Variants in RIDA observed in about 807,000 individuals in gnomAD.
RIDA encodes the protein reactive intermediate imine deaminase A, also known as 2-iminobutanoate/2-iminopropanoate deaminase.
Under a neutral mutation model 17.8 loss-of-function variants are expected in RIDA, and 17 were observed. The observed-to-expected ratio is 0.96, with a 90% CI of 0.65 to 1.43. The LOEUF (loss-of-function observed/expected upper bound fraction) is 1.43. Ranked by LOEUF, RIDA falls within the 40% of genes most tolerant of loss-of-function variation. The pLI, the probability that RIDA is intolerant of heterozygous loss-of-function variation, is 0.00. For synonymous variants in RIDA, 48 were observed against 55.7 expected (o/e 0.86, Z 0.62); for missense variants, 158 against 161.7 (o/e 0.98, Z 0.12).
intron 2 of RIDA, 63 bp from the exon 3 acceptor site, chr8:98,106,389 C>A (rs1195248837): frequency 7.2e-7 from 1 of 1,387,826 alleles, no homozygotes; most frequent in Non-Finnish European, 1.0e-6. Flanking sequence ...TAATTAAATT[C>A]AATTAATCAT....
chr8:98,111,167 A>C (rs756580650), intron 1 of RIDA, among the ~76,000 whole-genome samples: 1 of 152,270 alleles, frequency 6.6e-6, no homozygotes, highest in Non-Finnish European at 1.5e-5. Flanking sequence ...GGATAAAATC[A>C]CAGGAAAAAG....
intron 1 of RIDA, among the ~76,000 whole-genome samples, chr8:98,113,447 T>C (rs1815757359): frequency 1.3e-5 from 2 of 152,244 alleles, no homozygotes; most frequent in Admixed American, 6.5e-5. Flanking sequence ...GTCTGTTTTT[T>C]TTCTTAAACA....
intron 1 of RIDA, among the ~76,000 whole-genome samples, chr8:98,110,827 A>T (rs1377027815): frequency 6.6e-6 from 1 of 152,164 alleles, no homozygotes; most frequent in Non-Finnish European, 1.5e-5. Context: ...TGACTGGACC[A>T]TGGGGGCAGT....
chr8:98,109,194 A>AC (rs1815682683), intron 1 of RIDA, among the ~76,000 whole-genome samples: 1 of 152,086 alleles, frequency 6.6e-6, no homozygotes. Context: ...ACAGAGAAAG[A>AC]CCCAAAATAA....
intron 1 of RIDA, among the ~76,000 whole-genome samples, chr8:98,114,756 T>G (rs1176079057): frequency 6.6e-6 from 1 of 152,146 alleles, no homozygotes; most frequent in Non-Finnish European, 1.5e-5. Context: ...CTCTGCAAGA[T>G]CATATAATTA....
At position 98,108,664 on chromosome 8, in the gene RIDA, T is replaced by C. The variant is rs140448967; in HGVS notation, c.153A>G (p.Val51=). The change falls in exon 2 of 6, where the codon GTA becomes GTG. Residue 51 remains valine (V), a synonymous_variant. Transcript: ENST00000254878. ...AACTTACTTGTTTAGCTTCTTCTGC[T>C]ACCCCTCCTGACACAAGCTGTCCAC... ...PSSGQLVSGG[V]AEEAKQALKN... The C allele has an allele frequency of 6.2e-6, 10 of 1,611,468 alleles. No individual in the cohort carries two copies. Among genetic ancestry groups the C allele is most frequent in the Non-Finnish European group, 8.5e-6 (10 of 1,177,692 alleles).
chr8:98,105,832 T>A (rs1315608126), intron 4 of RIDA, 106 bp downstream of exon 4: 22 of 685,390 alleles, frequency 3.2e-5, no homozygotes, highest in Non-Finnish European at 5.7e-5. Context: ...TATGACCATT[T>A]CTTTAGCATC....
At position 98,113,176 on chromosome 8, in the gene RIDA, G is replaced by A. The variant is rs942220642; in HGVS notation, c.65+3856C>T. On this transcript the variant is annotated intron_variant, in intron 1 of 5. Coordinates refer to ENST00000254878, the MANE Select transcript of RIDA (RefSeq NM_005836.3). ...ATTATGAGGACGGTGTGCAAAATGC[G>A]CAATGCAAAGCAATGCAATGTTGAA... 4.6e-5 allele frequency among the ~76,000 whole-genome samples: 7 copies of A among 152,180 alleles called. No individual in the cohort carries two copies. In the East Asian group the frequency reaches 5.8e-4, roughly 13 times the overall value.
intron 1 of RIDA, among the ~76,000 whole-genome samples, chr8:98,112,825 A>G (rs1815746644): frequency 6.6e-6 from 1 of 152,214 alleles, no homozygotes; most frequent in Non-Finnish European, 1.5e-5. Flanking sequence ...GACCATATGC[A>G]TTATTATTTA....
At position 98,105,958 on chromosome 8, in the gene RIDA, A is replaced by G. The variant is rs777678879; in HGVS notation, c.275T>C (p.Val92Ala). 7 of 1,605,878 alleles carry G rather than the reference A, an allele frequency of 4.4e-6. No homozygotes were observed. Among genetic ancestry groups the G allele is most frequent in the Non-Finnish European group, 6.0e-6 (7 of 1,172,906 alleles). Reference sequence around the variant, plus strand: ...CTTACACTGTTTGTAGATTTCATTGACAGTATTGAAGTCATTTATGTCAGC... The same window carrying G: ...CTTACACTGTTTGTAGATTTCATTGGCAGTATTGAAGTCATTTATGTCAGC... ...LLADINDFNTVNEIYKQYFKS... is the reference protein window; with the variant it reads ...LLADINDFNTANEIYKQYFKS... The change falls in exon 4 of 6, where the codon GTC becomes GCC. Residue 92 changes from valine (V) to alanine (A), a missense_variant. By Grantham distance (64) the Val-to-Ala change is moderately conservative (BLOSUM62 0). Coordinates refer to ENST00000254878, the MANE Select transcript of RIDA (RefSeq NM_005836.3).
chr8:98,104,191 C>T (rs1563762788), intron 5 of RIDA, among the ~76,000 whole-genome samples: 1 of 151,704 alleles, frequency 6.6e-6, no homozygotes, highest in African/African-American at 2.4e-5. Flanking sequence ...AAGTGTTCCT[C>T]CCACCTCAGC....
chr8:98,102,581 G>A lies in RIDA; in HGVS notation c.*261C>T, dbSNP rs1440493712. On this transcript the variant is annotated 3_prime_UTR_variant, in exon 6 of 6. Transcript: ENST00000254878. ...ACCTGGTATTTCTCTTTTGTTTACT[G>A]AGTAACTATGTAATGGGTATCTCTT... 3.5e-6 allele frequency: 1 copy of A among 289,544 alleles called. No homozygotes were observed. Among genetic ancestry groups the A allele is most frequent in the African/African-American group, 2.2e-5 (1 of 46,086 alleles). The allele number at this position is 289,544 out of a possible 1,614,324, so 17.9% of individuals were successfully genotyped here.
At chr8:98,103,795 C>A (rs548467517) in intron 5 of RIDA, among the ~76,000 whole-genome samples, 1 of 152,016 alleles carries the variant, frequency 6.6e-6, no homozygotes, top group African/African-American at 2.4e-5. Flanking sequence ...CGCCACCACA[C>A]CCGGCTAATT....
chr8:98,105,574 G>A (rs1214753812), intron 4 of RIDA, among the ~76,000 whole-genome samples: 1 of 152,134 alleles, frequency 6.6e-6, no homozygotes, highest in Non-Finnish European at 1.5e-5. Flanking sequence ...ACTAACTAAT[G>A]AGTCTGAGAG....
chr8:98,112,713 T>A (rs1342152179), intron 1 of RIDA, among the ~76,000 whole-genome samples: 1 of 152,208 alleles, frequency 6.6e-6, no homozygotes, highest in Non-Finnish European at 1.5e-5. Context: ...ATACCATCAG[T>A]AACACTGTTT....
In RIDA at chr8:98,112,127, T is replaced by C. The variant is rs530854755; in HGVS notation, c.66-3376A>G. On this transcript the variant is annotated intron_variant, in intron 1 of 5. Coordinates refer to ENST00000254878, the MANE Select transcript of RIDA (RefSeq NM_005836.3). ...TAACAGCTACATATGTTTTACAATA[T>C]AGATGTACTTTATTTAATGAGTCAC... Among the ~76,000 whole-genome samples the C allele has an allele frequency of 1.6e-4, 24 of 152,194 alleles. No homozygotes were observed. In the South Asian group the frequency reaches 5.0e-3, roughly 32 times the overall value.
chr8:98,117,069 T>C lies in RIDA; in HGVS notation c.28A>G (p.Ser10Gly), dbSNP rs374630229. MSSLIRRVI[S>G]TAKAPGAIGP... ...ATGGCCCCTGGGGCTTTCGCGGTGC[T>C]GATCACCCTTCTGATCAAGGACGAC... The change falls in exon 1 of 6, where the codon AGC becomes GGC. Residue 10 changes from serine (S) to glycine (G), a missense_variant. Coordinates refer to ENST00000254878, the MANE Select transcript of RIDA (RefSeq NM_005836.3). 11 of 1,614,102 alleles carry C rather than the reference T, an allele frequency of 6.8e-6. No homozygotes were observed. Among genetic ancestry groups the C allele is most frequent in the African/African-American group, 6.7e-5 (5 of 74,952 alleles).
At chr8:98,107,757 T>G (rs1173463464) in intron 2 of RIDA, among the ~76,000 whole-genome samples, 1 of 107,162 alleles carries the variant, frequency 9.3e-6, no homozygotes, top group African/African-American at 3.5e-5. Context: ...GCCACCTGAC[T>G]GGGTTACTTT....
At chr8:98,116,278 C>T (rs947379909) in intron 1 of RIDA, among the ~76,000 whole-genome samples, 1 of 152,140 alleles carries the variant, frequency 6.6e-6, no homozygotes, top group Non-Finnish European at 1.5e-5. Flanking sequence ...CCCACTTGCC[C>T]TCTCACTTCT....
Sources: gnomAD v4.1 joint callset for allele counts (sites outside exome capture counted in the v4.1 genomes callset) on GRCh38, gnomAD v4.1.1 for gene constraint, MANE v1.5 for transcripts, NCBI Gene and HGNC (gene_info 2026-07-23, HGNC 2026-07-21) for gene names.